The following SVIL variants were observed in gnomAD, a reference collection of about 807,000 sequenced individuals.
SVIL encodes the protein archvillin.
Under a neutral mutation model 240.4 loss-of-function variants are expected in SVIL, and 101 were observed. The observed-to-expected ratio is 0.42, with a 90% CI of 0.36 to 0.50. SVIL has a LOEUF of 0.50. SVIL is among the 20% of genes least tolerant of loss of function. The pLI, the probability that SVIL is intolerant of heterozygous loss-of-function variation, is 0.01. For synonymous variants in SVIL, 999 were observed against 1,100.0 expected (o/e 0.91, Z 1.82); for missense variants, 2,512 against 2,818.7 (o/e 0.89, Z 2.46).
intron 16 of SVIL, among the ~76,000 whole-genome samples, chr10:29,514,465 CT>C (rs1186478401): frequency 6.6e-6 from 1 of 152,150 alleles, no homozygotes; most frequent in Non-Finnish European, 1.5e-5. Context: ...TGGTTTTGAA[CT>C]CCCGGGCTCA....
At chr10:29,697,107 T>G (rs1391438295) in intron 1 of SVIL, among the ~76,000 whole-genome samples, 1 of 112,070 alleles carries the variant, frequency 8.9e-6, no homozygotes, top group Admixed American at 8.9e-5. Context: ...GAGGAGCCCC[T>G]CTGCCCGGCC....
intron 18 of SVIL, chr10:29,496,615 T>C (rs1948467950): frequency 3.7e-6 from 1 of 273,054 alleles, no homozygotes; most frequent in South Asian, 3.3e-5. Context: ...CCCACCTAGC[T>C]AAGGATCCTT....
At chr10:29,641,545 G>A (rs1471910647) in intron 3 of SVIL, among the ~76,000 whole-genome samples, 1 of 151,964 alleles carries the variant, frequency 6.6e-6, no homozygotes, top group Non-Finnish European at 1.5e-5. Context: ...TCCTGCCTGG[G>A]TGACAAGAAC....
At chr10:29,587,125 G>A (rs1956202680) in intron 1 of SVIL, among the ~76,000 whole-genome samples, 1 of 152,260 alleles carries the variant, frequency 6.6e-6, no homozygotes. Context: ...GCTACGCAGT[G>A]AAGAAAGCCT....
chr10:29,496,183 A>C (rs7092602), intron 18 of SVIL, among the ~76,000 whole-genome samples: 5,926 of 152,290 alleles, frequency 0.039, 383 homozygotes, highest in African/African-American at 0.13. Context: ...TAATAAAAAA[A>C]ACCATTAAAT....
chr10:29,553,329 A>C (rs1213474608), intron 5 of SVIL, among the ~76,000 whole-genome samples: 1 of 152,144 alleles, frequency 6.6e-6, no homozygotes, highest in Non-Finnish European at 1.5e-5. Context: ...TTGTAATCAC[A>C]GCACTTTGGG....
In SVIL at chr10:29,532,582, G is replaced by T. The variant is rs1564588941; in HGVS notation, c.1785C>A (p.Ala595=). The T allele has an allele frequency of 6.2e-7, 1 of 1,613,780 alleles. No homozygotes were observed. Among genetic ancestry groups the T allele is most frequent in the Non-Finnish European group, 8.5e-7 (1 of 1,179,692 alleles). Residue 595 remains alanine (A), a synonymous_variant, in exon 8 of 38, where the codon GCC becomes GCA. Transcript: ENST00000355867. ...ATGCCAGGAACGCACTTCGGAGCTG[G>T]GCGACAGAGACTTTTGTGTCCAGCA... The part of the protein sequence containing the change: ...ISMLDTKVSV[A]QLRSAFLASA...
chr10:29,458,815 G>A (rs138960456), intron 36 of SVIL: 6 of 317,320 alleles, frequency 1.9e-5, no homozygotes, highest in Non-Finnish European at 2.2e-5. Flanking sequence ...ATTAAAAAAT[G>A]GTATTTTTTG....
intron 3 of SVIL, among the ~76,000 whole-genome samples, chr10:29,558,787 G>C (rs1954177353): frequency 6.6e-6 from 1 of 151,176 alleles, no homozygotes; most frequent in African/African-American, 2.4e-5. Context: ...AATTAGCCAG[G>C]CCTGGTAGCA....
intron 1 of SVIL, among the ~76,000 whole-genome samples, chr10:29,589,429 G>A (rs773401107): frequency 2.0e-5 from 3 of 152,174 alleles, no homozygotes; most frequent in Non-Finnish European, 4.4e-5. Context: ...GACTTCACCA[G>A]TCCCCTTGCA....
intron 1 of SVIL, among the ~76,000 whole-genome samples, chr10:29,727,292 A>C (rs891552133): frequency 6.6e-5 from 10 of 152,140 alleles, no homozygotes; most frequent in Non-Finnish European, 1.0e-4. Flanking sequence ...TGTGTGCTCC[A>C]GTCTGTACTA....
intron 33 of SVIL, among the ~76,000 whole-genome samples, chr10:29,466,144 AAAT>A (rs991159117): frequency 6.6e-6 from 1 of 152,120 alleles, no homozygotes; most frequent in Non-Finnish European, 1.5e-5. Context: ...AATGGCTAAA[AAAT>A]ATATATAGAT....
At chr10:29,549,966 T>A (rs1589216315) in intron 6 of SVIL, among the ~76,000 whole-genome samples, 1 of 123,896 alleles carries the variant, frequency 8.1e-6, no homozygotes, top group African/African-American at 3.2e-5. Flanking sequence ...GGCACATGTA[T>A]ACATATGTAA....
At position 29,584,310 on chromosome 10, in the gene SVIL, A is replaced by G. The variant is rs547178838; in HGVS notation, c.-200-14998T>C. Among the ~76,000 whole-genome samples, 1,387 of 152,296 alleles carry G rather than the reference A, an allele frequency of 9.1e-3. 10 individuals carry two copies. The highest frequency in any genetic ancestry group is 0.027 in the African/African-American group (1,123 of 41,562). Reference sequence around the variant, plus strand: ...CACCCTGAGAATGGCCCTGTATGGCAGCGGCACCTGCATGGGGTTCAGGGT... The same window carrying G: ...CACCCTGAGAATGGCCCTGTATGGCGGCGGCACCTGCATGGGGTTCAGGGT... On this transcript the variant is annotated intron_variant, in intron 1 of 37. Transcript: ENST00000355867.
intron 13 of SVIL, among the ~76,000 whole-genome samples, chr10:29,526,302 TTTC>T (rs1950905212): frequency 7.8e-6 from 1 of 128,526 alleles, no homozygotes; most frequent in Admixed American, 8.4e-5. Context: ...TTTTTTTCTC[TTTC>T]TTTTTTTTTT....
chr10:29,501,171 C>A (rs1450931351), intron 17 of SVIL, among the ~76,000 whole-genome samples: 1 of 150,314 alleles, frequency 6.7e-6, no homozygotes, highest in African/African-American at 2.4e-5. Context: ...CAACCAAACG[C>A]GATGCATGAT....
intron 17 of SVIL, among the ~76,000 whole-genome samples, chr10:29,504,051 T>A (rs1949092068): frequency 6.6e-6 from 1 of 152,174 alleles, no homozygotes; most frequent in African/African-American, 2.4e-5. Context: ...ATAAATTTAG[T>A]CAACGGATCT....
At chr10:29,553,669 G>C (rs1953604234) in intron 5 of SVIL, among the ~76,000 whole-genome samples, 1 of 152,196 alleles carries the variant, frequency 6.6e-6, no homozygotes, top group African/African-American at 2.4e-5. Flanking sequence ...GAGCAGCCCT[G>C]CGTGCATTCT....
intron 16 of SVIL, among the ~76,000 whole-genome samples, chr10:29,518,578 G>C (rs535546463): frequency 9.2e-5 from 14 of 151,974 alleles, no homozygotes; most frequent in Non-Finnish European, 1.8e-4. Flanking sequence ...AATGAAAGCC[G>C]GGCGCAGTGG....
Sources: allele counts gnomAD v4.1 joint callset (sites outside exome capture counted in the v4.1 genomes callset), GRCh38; gene constraint gnomAD v4.1.1; transcripts MANE v1.5; gene names NCBI Gene and HGNC (gene_info 2026-07-23, HGNC 2026-07-21).